COLEC10: variants seen among roughly 807,000 people sequenced by gnomAD.
COLEC10 encodes the protein collectin-10.
In COLEC10, 22 loss-of-function variants were observed where a neutral mutation model predicts 28.4. The observed-to-expected ratio is 0.78, with a 90% CI of 0.55 to 1.11. The LOEUF is 1.11. Ranked by LOEUF, COLEC10 falls within the 50% of genes least tolerant of loss-of-function variation. The pLI is 0.00. For missense variants in COLEC10, 361 were observed against 344.1 expected (o/e 1.05, Z -0.39); for synonymous variants, 125 against 116.1 (o/e 1.08, Z -0.49).
At chr8:118,966,065 T>C in the COLEC10 span, among the ~76,000 whole-genome samples, 2 of 152,086 alleles carry the variant, frequency 1.3e-5, no homozygotes, top group East Asian at 1.9e-4. Context: ...CAGGGAAAAA[T>C]CTAAGTTAAA....
chr8:118,970,431 G>A, the COLEC10 span, among the ~76,000 whole-genome samples: 1 of 151,876 alleles, frequency 6.6e-6, no homozygotes, highest in Non-Finnish European at 1.5e-5. Flanking sequence ...AGAGTCAACA[G>A]GTTGGTTAAA....
intron 2 of COLEC10, among the ~76,000 whole-genome samples, chr8:119,061,385 A>C (rs1195850060): frequency 6.6e-6 from 1 of 151,628 alleles, no homozygotes; most frequent in Non-Finnish European, 1.5e-5. Flanking sequence ...CAATACAGTA[A>C]ATGCTAAAAG....
At chr8:119,100,942 A>G (rs916427783) in intron 3 of COLEC10, among the ~76,000 whole-genome samples, 2 of 152,158 alleles carry the variant, frequency 1.3e-5, no homozygotes, top group Non-Finnish European at 2.9e-5. Flanking sequence ...GGCTCAACAA[A>G]TCCTTGGGGC....
At chr8:119,013,720 G>A (rs1402256985) in intron 2 of COLEC10, among the ~76,000 whole-genome samples, 3 of 150,508 alleles carry the variant, frequency 2.0e-5, no homozygotes, top group Non-Finnish European at 1.5e-5. Context: ...ATTACGTAAT[G>A]CCCCTCCTTT....
the COLEC10 span, among the ~76,000 whole-genome samples, chr8:118,969,498 G>A: frequency 6.6e-6 from 1 of 151,968 alleles, no homozygotes. Flanking sequence ...ACTGTTAGCA[G>A]TAAACATCTG....
At chr8:118,972,442 A>G in the COLEC10 span, among the ~76,000 whole-genome samples, 48 of 152,050 alleles carry the variant, frequency 3.2e-4, no homozygotes, top group East Asian at 7.6e-3. Flanking sequence ...CCAAATTTGT[A>G]TACCCAACCT....
chr8:119,091,591 G>GAAAGAA (rs1230208206), intron 3 of COLEC10, among the ~76,000 whole-genome samples: 3 of 90,654 alleles, frequency 3.3e-5, no homozygotes, highest in African/African-American at 1.2e-4. Flanking sequence ...GAGAGAGAGA[G>GAAAGAA]AGAGAGAAAG....
chr8:119,057,142 C>T (rs886194625), intron 2 of COLEC10, among the ~76,000 whole-genome samples: 2 of 151,864 alleles, frequency 1.3e-5, no homozygotes, highest in East Asian at 1.9e-4. Context: ...ATCATGAGGG[C>T]GGTTTCCTCC....
At chr8:119,069,193 C>A (rs1469295658) in intron 1 of COLEC10, among the ~76,000 whole-genome samples, 3 of 152,024 alleles carry the variant, frequency 2.0e-5, no homozygotes, top group Non-Finnish European at 2.9e-5. Context: ...TTCCTACACA[C>A]CTAAATGCAC....
chr8:118,985,975 A>G, the COLEC10 span, among the ~76,000 whole-genome samples: 1 of 152,232 alleles, frequency 6.6e-6, no homozygotes, highest in South Asian at 2.1e-4. Context: ...CAACTACTCC[A>G]CTACCATCTT....
the COLEC10 span, among the ~76,000 whole-genome samples, chr8:118,974,102 G>C: frequency 1.3e-5 from 2 of 151,762 alleles, no homozygotes; most frequent in Admixed American, 1.3e-4. Context: ...TTTCTAAAAG[G>C]CCTTTCTAGT....
In COLEC10 at chr8:119,034,066, A is replaced by G. The variant is rs147665502; in HGVS notation, n.235+24513A>G. Among the ~76,000 whole-genome samples the G allele has an allele frequency of 5.3e-3, 808 of 152,362 alleles. 4 individuals are homozygous for G. The highest frequency in any genetic ancestry group is 0.018 in the African/African-American group (766 of 41,584). ...ACAATGGTATACTATCCAGACATAA[A>G]AAAGGATGAGTTCATGTCCTTTGCA... is the stretch of plus-strand genomic sequence containing the variant. On this transcript the variant is annotated intron_variant and non_coding_transcript_variant, in intron 2 of 6. Coordinates refer to the COLEC10 transcript ENST00000521788.
chr8:119,009,690 T>C (rs1293840017), intron 2 of COLEC10: 1 of 150,900 alleles, frequency 6.6e-6, no homozygotes, highest in African/African-American at 2.5e-5. Context: ...TTTTAATTCC[T>C]GCTTTATTCC....
At chr8:118,965,512 G>C in the COLEC10 span, among the ~76,000 whole-genome samples, 1 of 151,968 alleles carries the variant, frequency 6.6e-6, no homozygotes, top group East Asian at 1.9e-4. Flanking sequence ...CAAGATTCCT[G>C]GTAGGTTCTG....
rs1481996609 is a variant in COLEC10, at chr8:119,073,740, TA to T, written c.148+6317del. 2.0e-5 allele frequency among the ~76,000 whole-genome samples: 3 copies of T among 152,032 alleles called. No individual in the cohort carries two copies. In the South Asian group the frequency reaches 6.2e-4, roughly 31 times the overall value. On this transcript the variant is annotated intron_variant, in intron 1 of 5. Coordinates refer to ENST00000332843, the MANE Select transcript of COLEC10 (RefSeq NM_006438.5). Reference sequence around the variant, plus strand: ...AGGAAGTAGTACTAAATGGTAATGATAAAAAATGATTTGTTTCATTTTAGTA... The same window carrying T: ...AGGAAGTAGTACTAAATGGTAATGATAAAAATGATTTGTTTCATTTTAGTA...
At chr8:119,007,071 G>A (rs1045085522) in intron 1 of COLEC10, among the ~76,000 whole-genome samples, 17 of 152,038 alleles carry the variant, frequency 1.1e-4, no homozygotes, top group African/African-American at 4.1e-4. Flanking sequence ...AGGACTCAAA[G>A]ATGGCAAAAC....
At chr8:118,956,812 T>C in the COLEC10 span, among the ~76,000 whole-genome samples, 1 of 152,214 alleles carries the variant, frequency 6.6e-6, no homozygotes, top group Non-Finnish European at 1.5e-5. Flanking sequence ...CTGATGCCCA[T>C]GTAATTTGTC....
rs1207711586 is a variant in COLEC10, at chr8:119,107,787, T to A, written c.*1596T>A. On this transcript the variant is annotated 3_prime_UTR_variant, in exon 6 of 6. Coordinates refer to ENST00000332843, the MANE Select transcript of COLEC10 (RefSeq NM_006438.5). ...GCTGCTGGTGCTAGGGAGGACCCAA[T>A]CTTGCTAAATGTGCTGATATTTCAA... Among the ~76,000 whole-genome samples the A allele has an allele frequency of 6.6e-6, 1 of 152,176 alleles. No homozygotes were observed. The highest frequency in any genetic ancestry group is 1.5e-5 in the Non-Finnish European group (1 of 68,038).
intron 2 of COLEC10, among the ~76,000 whole-genome samples, chr8:119,046,960 G>A (rs1451514097): frequency 6.6e-6 from 1 of 152,118 alleles, no homozygotes; most frequent in Non-Finnish European, 1.5e-5. Flanking sequence ...TAGATTTAAT[G>A]TGAAGTAACC....
Sources: gnomAD v4.1 joint callset for allele counts (sites outside exome capture counted in the v4.1 genomes callset) on GRCh38, gnomAD v4.1.1 for gene constraint, MANE v1.5 for transcripts, NCBI Gene and HGNC (gene_info 2026-07-23, HGNC 2026-07-21) for gene names.